The following USP40 variants were observed in gnomAD, a reference collection of about 807,000 sequenced individuals.
USP40 encodes ubiquitin specific peptidase 40, also known as ubiquitin carboxyl-terminal hydrolase 40.
USP40 carries 143 observed loss-of-function variants against 166.2 expected under a neutral mutation model. The ratio of observed to expected loss-of-function variants is 0.86; its 90% CI spans 0.75 to 0.99. The LOEUF (loss-of-function observed/expected upper bound fraction) is 0.99. USP40 is among the 50% of genes least tolerant of loss of function. The pLI is 0.00. For missense variants in USP40, 1,444 were observed against 1,479.7 expected (o/e 0.98, Z 0.40); for synonymous variants, 498 against 524.0 (o/e 0.95, Z 0.68).
intron 25 of USP40, 139 bp from the exon 26 acceptor site, chr2:233,491,400 A>T (rs2065328113): frequency 1.5e-6 from 1 of 682,804 alleles, no homozygotes; most frequent in African/African-American, 1.8e-5. Flanking sequence ...TCTTATGAGG[A>T]GGCCCTGTCT....
intron 20 of USP40, 117 bp downstream of exon 20, chr2:233,511,592 A>G (rs2066839328): frequency 1.5e-6 from 1 of 660,496 alleles, no homozygotes; most frequent in Non-Finnish European, 2.5e-6. Context: ...AATAAAATGT[A>G]TGATTTAAGA....
At chr2:233,482,593 TTG>T (rs1412962646) in intron 30 of USP40, among the ~76,000 whole-genome samples, 16 of 139,398 alleles carry the variant, frequency 1.1e-4, no homozygotes, top group African/African-American at 4.4e-4. Context: ...TTTTTTTTTT[TTG>T]TTTTTTTTTT....
At chr2:233,552,854 A>G (rs1023978549) in intron 6 of USP40, among the ~76,000 whole-genome samples, 2 of 152,246 alleles carry the variant, frequency 1.3e-5, no homozygotes. Context: ...GAAAAATTCA[A>G]TAATTGTCAG....
chr2:233,515,334 A>G (rs551030380), intron 18 of USP40, among the ~76,000 whole-genome samples: 4 of 152,334 alleles, frequency 2.6e-5, no homozygotes, highest in African/African-American at 7.2e-5. Context: ...TTACCTTCCC[A>G]TCAGCAATAT....
At chr2:233,531,788 T>G (rs977896699) in intron 11 of USP40, among the ~76,000 whole-genome samples, 3 of 152,218 alleles carry the variant, frequency 2.0e-5, no homozygotes, top group East Asian at 3.8e-4. Flanking sequence ...TCTCTAATAA[T>G]AGATATGTCT....
intron 10 of USP40, among the ~76,000 whole-genome samples, chr2:233,539,338 A>T (rs2069188703): frequency 6.6e-6 from 1 of 152,152 alleles, no homozygotes; most frequent in Non-Finnish European, 1.5e-5. Context: ...CAGAACATTG[A>T]GCAGGATAGA....
chr2:233,491,118 T>G, intron 26 of USP40, 49 bp downstream of exon 26: 1 of 1,260,086 alleles, frequency 7.9e-7, no homozygotes, highest in Non-Finnish European at 1.1e-6. Flanking sequence ...AATATCTCAC[T>G]GGAAGAAGCC....
rs1575350050 is a variant in USP40 at position 233,559,680 on chromosome 2, T to C, written c.381+131A>G. 3.8e-6 allele frequency: 2 copies of C among 526,640 alleles called. 1 individual carries two copies. Among genetic ancestry groups the C allele is most frequent in the Non-Finnish European group, 6.3e-6 (2 of 315,340 alleles). The allele number at this position is 526,640 out of a possible 1,614,324, so 32.6% of individuals were successfully genotyped here. On this transcript the variant is annotated intron_variant, in intron 4 of 31. Transcript: ENST00000678225. ...ATATTTCTGGCTTGTAATTTTTTAA[T>C]GTGAGAAGGAAACATTCAAACAATA... is the stretch of plus-strand genomic sequence containing the variant.
At chr2:233,559,099 T>C (rs895434648) in intron 4 of USP40, among the ~76,000 whole-genome samples, 1 of 152,234 alleles carries the variant, frequency 6.6e-6, no homozygotes, top group Non-Finnish European at 1.5e-5. Flanking sequence ...AATGGTAGAC[T>C]GGGATTTGTT....
At chr2:233,516,487 G>A (rs1025986736) in intron 18 of USP40, among the ~76,000 whole-genome samples, 1 of 152,090 alleles carries the variant, frequency 6.6e-6, no homozygotes, top group Non-Finnish European at 1.5e-5. Context: ...CACGAGGTCA[G>A]CAGATCAAGA....
intron 28 of USP40, chr2:233,487,770 A>T (rs1054708072): frequency 1.2e-5 from 4 of 329,754 alleles, no homozygotes; most frequent in Non-Finnish European, 2.4e-5. Flanking sequence ...GGTATTAAGG[A>T]TATAGCAATG....
In USP40 at chr2:233,480,446, T is replaced by C. The variant is rs1239229570; in HGVS notation, c.3599+757A>G. 6.6e-6 allele frequency among the ~76,000 whole-genome samples: 1 copy of C among 152,068 alleles called. No homozygotes were observed. The highest frequency in any genetic ancestry group is 1.5e-5 in the Non-Finnish European group (1 of 68,002). ...TGCCACGGGCAGGTCCTGGGACTTG[T>C]GGTGGTGGTGAGCTGAGCAGTGCGA... On this transcript the variant is annotated intron_variant, in intron 31 of 31. Transcript: ENST00000678225. This position sits in a 1 kb window ranked among gnomAD's most constrained non-coding sequence, Gnocchi z 4.5.
At chr2:233,481,953 G>A (rs922865048) in intron 30 of USP40, among the ~76,000 whole-genome samples, 3 of 152,242 alleles carry the variant, frequency 2.0e-5, no homozygotes, top group African/African-American at 4.8e-5. Context: ...ACACAGCGCA[G>A]GGTCTGCGGG....
At chr2:233,490,329 ATT>A (rs763315819) in intron 26 of USP40, among the ~76,000 whole-genome samples, 5 of 141,818 alleles carry the variant, frequency 3.5e-5, no homozygotes, top group African/African-American at 2.6e-5. Flanking sequence ...TGCCAGGTGA[ATT>A]TTTTTTTTTT....
At chr2:233,512,508 T>A (rs2066908377) in intron 19 of USP40, 61 bp downstream of exon 19, 1 of 1,207,884 alleles carries the variant, frequency 8.3e-7, no homozygotes, top group African/African-American at 1.6e-5. Flanking sequence ...TGGAGGCCAC[T>A]ATTTATCAAG....
At chr2:233,556,789 T>C in intron 5 of USP40, 66 bp downstream of exon 5, 1 of 1,440,008 alleles carries the variant, frequency 6.9e-7, no homozygotes, top group Non-Finnish European at 9.3e-7. Context: ...GTATATATCA[T>C]ACATTTAATT....
At chr2:233,523,024 T>C in intron 16 of USP40, 146 bp downstream of exon 16, 1 of 922,184 alleles carries the variant, frequency 1.1e-6, no homozygotes, top group South Asian at 1.9e-5. Context: ...ACCTAAAACA[T>C]TCCTGTATGC....
chr2:233,549,567 T>C (rs1363276770), intron 7 of USP40, among the ~76,000 whole-genome samples: 1 of 152,102 alleles, frequency 6.6e-6, no homozygotes, highest in Non-Finnish European at 1.5e-5. Flanking sequence ...GTAGAAATTT[T>C]TAGCAAGAGA....
At chr2:233,557,350 T>C in intron 4 of USP40, among the ~76,000 whole-genome samples, 1 of 152,178 alleles carries the variant, frequency 6.6e-6, no homozygotes, top group African/African-American at 2.4e-5. Flanking sequence ...CAGACCAGTG[T>C]CTAAGAGCTG....
Sources: gnomAD v4.1 joint callset for allele counts (sites outside exome capture counted in the v4.1 genomes callset) on GRCh38, gnomAD v4.1.1 for gene constraint, Gnocchi (gnomAD v3.1) non-coding constraint, MANE v1.5 for transcripts, NCBI Gene and HGNC (gene_info 2026-07-23, HGNC 2026-07-21) for gene names.